NRBP1: variants seen among roughly 807,000 people sequenced by gnomAD.
NRBP1 encodes nuclear receptor binding protein 1, also known as nuclear receptor-binding protein.
In NRBP1, 10 loss-of-function variants were observed where a neutral mutation model predicts 76.0. The ratio of observed to expected loss-of-function variants is 0.13; its 90% CI spans 0.08 to 0.22. NRBP1 has a LOEUF of 0.22. NRBP1 is among the 10% of genes least tolerant of loss of function. NRBP1 has a pLI of 1.00. For synonymous variants in NRBP1, 235 were observed against 240.2 expected (o/e 0.98, Z 0.20); for missense variants, 344 against 646.0 (o/e 0.53, Z 5.07).
At chr2:27,429,466 T>G (rs1664017450) in intron 1 of NRBP1, 1 of 152,404 alleles carries the variant, frequency 6.6e-6, no homozygotes, top group Non-Finnish European at 1.5e-5. Flanking sequence ...GGAAAAACTT[T>G]GCAGGGCGAT....
chr2:27,428,617 G>T, upstream of NRBP1: 1 of 397,942 alleles, frequency 2.5e-6, no homozygotes, highest in Non-Finnish European at 4.4e-6. Context: ...CCGCGAGGGC[G>T]GGGCCCGCAG....
chr2:27,441,507 T>C (rs1572697668), intron 16 of NRBP1, 60 bp from the exon 17 acceptor site: 13 of 1,577,200 alleles, frequency 8.2e-6, no homozygotes, highest in East Asian at 2.2e-5. Flanking sequence ...TGGGGCTGTC[T>C]GAAGGGCCCC....
At chr2:27,434,995 G>C in intron 6 of NRBP1, 138 bp from the exon 7 acceptor site, 3 of 662,710 alleles carry the variant, frequency 4.5e-6, no homozygotes, top group Non-Finnish European at 8.1e-6. Flanking sequence ...TAAATCATCA[G>C]GCATAATGGA....
At chr2:27,435,303 G>A in intron 7 of NRBP1, 76 bp downstream of exon 7, 1 of 1,294,932 alleles carries the variant, frequency 7.7e-7, no homozygotes, top group Non-Finnish European at 1.1e-6. Flanking sequence ...AAAGGAATGG[G>A]GGATAACAGA....
In NRBP1 at chr2:27,437,246, T is replaced by C. The variant is rs1664342696; in HGVS notation, c.805-16T>C. ...TCTTAGGTGTCTACTTTTTTTTTTA[T>C]TCTTCCTCACTGAAGATGGCAGTGC... On this transcript the variant is annotated splice_polypyrimidine_tract_variant and intron_variant, in intron 9 of 17. Coordinates refer to ENST00000379852, the MANE Select transcript of NRBP1 (RefSeq NM_013392.4). 1.9e-6 allele frequency: 3 copies of C among 1,604,742 alleles called. No individual in the cohort carries two copies. The highest frequency in any genetic ancestry group is 2.7e-5 in the African/African-American group (2 of 74,644).
In NRBP1 at chr2:27,442,206, G is replaced by A. The variant is rs568134656; in HGVS notation, c.*394G>A. 3 of 545,266 alleles carry A rather than the reference G, an allele frequency of 5.5e-6. No homozygotes were observed. The highest frequency in any genetic ancestry group is 9.5e-6 in the Non-Finnish European group (3 of 315,494). The allele number at this position is 545,266 out of a possible 1,614,324, so 33.8% of individuals were successfully genotyped here. A position where few individuals can be genotyped will look rare whatever the true frequency, so the allele number is the denominator to read the frequency against. ...GGTGCTGCAGTGGTGGCCCTGGGGG[G>A]CCATTCGATTCGCCTCAGTTGCTGC... is the stretch of plus-strand genomic sequence containing the variant. On this transcript the variant is annotated 3_prime_UTR_variant, in exon 18 of 18. Coordinates refer to ENST00000379852, the MANE Select transcript of NRBP1 (RefSeq NM_013392.4).
upstream of NRBP1, chr2:27,428,262 T>C: frequency 6.0e-6 from 1 of 166,928 alleles, no homozygotes. Context: ...GGGGCTGGGG[T>C]GGGGGCGCTC....
upstream of NRBP1, chr2:27,427,876 T>C (rs1465493956): frequency 1.3e-5 from 2 of 152,222 alleles, no homozygotes; most frequent in South Asian, 2.1e-4. Context: ...CAAGAATTTA[T>C]CATCTTTTCT....
intron 2 of NRBP1, 37 bp from the exon 3 acceptor site, chr2:27,433,636 A>G (rs1664191683): frequency 6.2e-7 from 1 of 1,613,282 alleles, no homozygotes. Flanking sequence ...GATTTGTGAG[A>G]TAAGTTTAAT....
Position 27,437,336 on chromosome 2 carries a change from G to A in NRBP1, c.879G>A (p.Gln293=). 6.2e-7 allele frequency: 1 copy of A among 1,613,648 alleles called. No homozygotes were observed. The highest frequency in any genetic ancestry group is 8.5e-7 in the Non-Finnish European group (1 of 1,179,660). The change falls in exon 10 of 18, where the codon CAG becomes CAA. Residue 293 remains glutamine, a synonymous_variant. Coordinates refer to ENST00000379852, the MANE Select transcript of NRBP1 (RefSeq NM_013392.4). ...VPQEAISSAI[Q]LLEDPLQREF... Reference sequence around the variant, plus strand: ...AGGAAGCCATCAGCAGTGCCATCCAGCTTCTAGAAGACCCATTACAGAGGG... The same window carrying A: ...AGGAAGCCATCAGCAGTGCCATCCAACTTCTAGAAGACCCATTACAGAGGG...
chr2:27,439,995 C>A (rs879021758), intron 11 of NRBP1, 97 bp downstream of exon 11: 40 of 457,558 alleles, frequency 8.7e-5, no homozygotes, highest in East Asian at 4.2e-4. Context: ...CAAAGGGATT[C>A]TTTTTTTTTT....
At chr2:27,440,601 G>C (rs1373673362) in intron 12 of NRBP1, 51 bp from the exon 13 acceptor site, 7 of 1,610,614 alleles carry the variant, frequency 4.3e-6, no homozygotes, top group Non-Finnish European at 5.9e-6. Context: ...GCTTGAATTT[G>C]CTATTTTGCT....
intron 1 of NRBP1, among the ~76,000 whole-genome samples, chr2:27,430,159 G>A (rs945178931): frequency 6.6e-6 from 1 of 152,266 alleles, no homozygotes; most frequent in African/African-American, 2.4e-5. Context: ...GAGCCAGCGC[G>A]CCTGGCAAAT....
chr2:27,441,824 G>A lies in NRBP1; in HGVS notation c.*12G>A, dbSNP rs1266701845. The A allele has an allele frequency of 6.4e-7, 1 of 1,563,228 alleles. No individual in the cohort carries two copies. Among genetic ancestry groups the A allele is most frequent in the Non-Finnish European group, 8.8e-7 (1 of 1,136,282 alleles). On this transcript the variant is annotated 3_prime_UTR_variant, in exon 18 of 18. Transcript: ENST00000379852. ...CCGTCTCCTCTTAGAGCTCACTCGG[G>A]CCAGGCCCTGATCTGCGCTGTGGCT...
chr2:27,442,255 TA>T lies in NRBP1; in HGVS notation c.*447del. The T allele has an allele frequency of 1.5e-6, 1 of 677,958 alleles. No homozygotes were observed. Among genetic ancestry groups the T allele is most frequent in the Non-Finnish European group, 2.3e-6 (1 of 426,590 alleles). The allele number at this position is 677,958 out of a possible 1,614,324, so 42.0% of individuals were successfully genotyped here. The stretch of plus-strand genomic sequence containing the variant: ...GCTGTAATAAAAGTCTACTTTTTGC[TA>T]AAAGCGTCGTGTGTTCGCGCCTTTC... On this transcript the variant is annotated 3_prime_UTR_variant, in exon 18 of 18. Transcript: ENST00000379852.
Position 27,441,920 on chromosome 2 carries a change from C to T in NRBP1, c.*108C>T. ...TATTACCCTGTGAAGCCCCTTCCCTCCTTTATTATTCAGGAGGGCTGGGGG... is the reference window on the plus strand; with the variant it reads ...TATTACCCTGTGAAGCCCCTTCCCTTCTTTATTATTCAGGAGGGCTGGGGG... On this transcript the variant is annotated 3_prime_UTR_variant, in exon 18 of 18. Coordinates refer to ENST00000379852, the MANE Select transcript of NRBP1 (RefSeq NM_013392.4). The T allele has an allele frequency of 2.8e-6, 2 of 710,962 alleles. No homozygotes were observed. Among genetic ancestry groups the T allele is most frequent in the South Asian group, 3.5e-5 (2 of 57,516 alleles). The allele number at this position is 710,962 out of a possible 1,614,324, so 44.0% of individuals were successfully genotyped here.
In NRBP1 at chr2:27,440,349, TG is replaced by T; in HGVS notation, c.1037-53del. On this transcript the variant is annotated intron_variant, in intron 11 of 17. Coordinates refer to ENST00000379852, the MANE Select transcript of NRBP1 (RefSeq NM_013392.4). ...TACCCCTTTGCCTGCATGCCTTCTT[TG>T]ACATTTAATCTGACTATCCCTTCAT... The T allele has an allele frequency of 4.0e-6, 5 of 1,257,976 alleles. No homozygotes were observed. The South Asian group carries it at 6.0e-5, about 15-fold the overall frequency. 77.9% of individuals were successfully genotyped at this position (1,257,976 alleles called of 1,614,324 possible).
rs1210261419 is a variant in NRBP1, at chr2:27,433,282, G to A, written c.9G>A (p.Glu3=). The change falls in exon 2 of 18, where the codon GAG becomes GAA. Residue 3 remains glutamate, a synonymous_variant. Transcript: ENST00000379852. MS[E]GESQTVLSSG... is the part of the protein sequence containing the mutation. ...TGAGTGTTCCTTCCAGCATGTCGGAGGGGGAGTCCCAGACAGTACTTAGCA... is the reference window on the plus strand; with the variant it reads ...TGAGTGTTCCTTCCAGCATGTCGGAAGGGGAGTCCCAGACAGTACTTAGCA... 1 of 1,613,400 alleles carries A rather than the reference G, an allele frequency of 6.2e-7. No individual in the cohort carries two copies. Among genetic ancestry groups the A allele is most frequent in the African/African-American group, 1.3e-5 (1 of 74,930 alleles).
In NRBP1 at chr2:27,428,743, G is replaced by A. The variant is rs1247883391; in HGVS notation, c.-21+12G>A. The stretch of plus-strand genomic sequence containing the variant: ...CGCGGAGTCGGGAGGTGAGCGCCCA[G>A]GGAAAAGAGGGCCCGGGAGGGAGGG... On this transcript the variant is annotated intron_variant, in intron 1 of 17. Coordinates refer to ENST00000379852, the MANE Select transcript of NRBP1 (RefSeq NM_013392.4). 2.5e-5 allele frequency: 10 copies of A among 397,778 alleles called. No individual in the cohort carries two copies. The highest frequency in any genetic ancestry group is 8.2e-5 in the African/African-American group (4 of 48,500). 24.6% of individuals were successfully genotyped at this position (397,778 alleles called of 1,614,324 possible).
Sources: allele counts gnomAD v4.1 joint callset (sites outside exome capture counted in the v4.1 genomes callset), GRCh38; gene constraint gnomAD v4.1.1; transcripts MANE v1.5; gene names NCBI Gene and HGNC (gene_info 2026-07-23, HGNC 2026-07-21).